EYS: variants seen among roughly 807,000 people sequenced by gnomAD.
The protein encoded by EYS is protein eyes shut homolog.
Under a neutral mutation model 282.1 loss-of-function variants are expected in EYS, and 250 were observed. The ratio of observed to expected loss-of-function variants is 0.89; its 90% CI spans 0.80 to 0.98. EYS has a LOEUF of 0.98. Among genes scored for constraint, EYS ranks in the 50% least tolerant of loss-of-function variants. The pLI, the probability that EYS is intolerant of heterozygous loss-of-function variation, is 0.00. For synonymous variants in EYS, 1,355 were observed against 1,282.9 expected (o/e 1.06, Z -1.20); for missense variants, 4,016 against 3,709.0 (o/e 1.08, Z -2.15).
chr6:64,156,008 ATGTG>A (rs1375449408), intron 31 of EYS, among the ~76,000 whole-genome samples: 2 of 147,344 alleles, frequency 1.4e-5, no homozygotes, highest in Admixed American at 6.8e-5. Flanking sequence ...GTGTGTGTGT[ATGTG>A]TGTATGTTTA....
At chr6:64,056,418 GACTTT>G (rs1488468792) in intron 33 of EYS, among the ~76,000 whole-genome samples, 1 of 152,100 alleles carries the variant, frequency 6.6e-6, no homozygotes, top group African/African-American at 2.4e-5. Context: ...ATCAATCCAA[GACTTT>G]ACTTTTTCCT....
chr6:64,200,015 C>T (rs1317835064), intron 31 of EYS, among the ~76,000 whole-genome samples: 1 of 152,012 alleles, frequency 6.6e-6, no homozygotes, highest in Non-Finnish European at 1.5e-5. Flanking sequence ...ATGATCTACC[C>T]AGCCACAAAA....
chr6:64,740,243 C>T (rs1360735634), intron 22 of EYS, among the ~76,000 whole-genome samples: 1 of 152,034 alleles, frequency 6.6e-6, no homozygotes, highest in African/African-American at 2.4e-5. Flanking sequence ...TTTCCTAAAT[C>T]TTGAAATACT....
chr6:64,093,327 C>G (rs1772443909), intron 31 of EYS, among the ~76,000 whole-genome samples: 1 of 152,132 alleles, frequency 6.6e-6, no homozygotes, highest in African/African-American at 2.4e-5. Context: ...GGCATTGAAT[C>G]TATAAATTAC....
chr6:64,191,024 T>C (rs897516479), intron 31 of EYS, among the ~76,000 whole-genome samples: 2 of 152,166 alleles, frequency 1.3e-5, no homozygotes, highest in African/African-American at 4.8e-5. Flanking sequence ...CTGAGAAATA[T>C]CTGTGTTTTG....
At chr6:64,546,038 A>G (rs2149802056) in intron 26 of EYS, among the ~76,000 whole-genome samples, 1 of 152,314 alleles carries the variant, frequency 6.6e-6, no homozygotes, top group Non-Finnish European at 1.5e-5. Flanking sequence ...GTTCATATGG[A>G]AACAAAAATG....
chr6:64,906,639 A>G (rs1489794082), intron 16 of EYS, among the ~76,000 whole-genome samples: 3 of 152,236 alleles, frequency 2.0e-5, no homozygotes, highest in East Asian at 1.9e-4. Flanking sequence ...TTGTAAATCA[A>G]TAGCACATGT....
At chr6:65,475,834 C>T (rs1395924183) in intron 5 of EYS, among the ~76,000 whole-genome samples, 1 of 151,754 alleles carries the variant, frequency 6.6e-6, no homozygotes, top group Admixed American at 6.6e-5. Context: ...CCAGCTTTCT[C>T]TTCATGGAGT....
chr6:64,559,085 A>G lies in EYS; in HGVS notation c.5644+31138T>C, dbSNP rs187091766. Among the ~76,000 whole-genome samples, 714 of 152,300 alleles carry G rather than the reference A, an allele frequency of 4.7e-3. 3 individuals are homozygous for G. Among genetic ancestry groups the G allele is most frequent in the African/African-American group, 0.016 (677 of 41,574 alleles). On this transcript the variant is annotated intron_variant, in intron 26 of 42. Transcript: ENST00000503581. The stretch of plus-strand genomic sequence containing the variant: ...AATTTTCACAAAAATTAGAATTATG[A>G]CATGGTCTAATCTCCCTAATTCTGT...
At chr6:64,191,415 C>A (rs1202644615) in intron 31 of EYS, among the ~76,000 whole-genome samples, 1 of 152,028 alleles carries the variant, frequency 6.6e-6, no homozygotes, top group African/African-American at 2.4e-5. Flanking sequence ...ATGCGACATG[C>A]TGGTGCGCTG....
intron 36 of EYS, among the ~76,000 whole-genome samples, chr6:63,810,352 TA>T (rs1264960428): frequency 7.1e-6 from 1 of 141,490 alleles, no homozygotes; most frequent in East Asian, 2.3e-4. Flanking sequence ...TCTGAATTAT[TA>T]AAGTTTATGC....
chr6:65,433,387 C>T (rs911370544), intron 5 of EYS, among the ~76,000 whole-genome samples: 39 of 152,142 alleles, frequency 2.6e-4, no homozygotes, highest in African/African-American at 9.1e-4. Context: ...CGGGTCTTAA[C>T]ATTTTGTGGG....
chr6:65,642,603 G>A (rs547018994), intron 1 of EYS, among the ~76,000 whole-genome samples: 2 of 152,024 alleles, frequency 1.3e-5, no homozygotes, highest in Non-Finnish European at 1.5e-5. Flanking sequence ...ACACTTACCT[G>A]TTAGACTCTT....
At chr6:64,970,709 T>A (rs529432612) in intron 14 of EYS, among the ~76,000 whole-genome samples, 4 of 152,180 alleles carry the variant, frequency 2.6e-5, no homozygotes, top group Non-Finnish European at 5.9e-5. Context: ...ATAACACCAC[T>A]GAACCCATAT....
At chr6:64,106,741 C>T (rs966405266) in intron 31 of EYS, among the ~76,000 whole-genome samples, 2 of 151,890 alleles carry the variant, frequency 1.3e-5, no homozygotes, top group Non-Finnish European at 2.9e-5. Flanking sequence ...GAAACTCAGC[C>T]ATTATTGCTT....
At chr6:64,424,453 T>A (rs1377297609) in intron 28 of EYS, among the ~76,000 whole-genome samples, 6 of 152,204 alleles carry the variant, frequency 3.9e-5, no homozygotes, top group Non-Finnish European at 8.8e-5. Context: ...AAAAAAATAT[T>A]TGTGACTAAG....
rs189444859 is a variant in EYS, at chr6:63,995,578, A to G, written c.6834+3497T>C. On this transcript the variant is annotated intron_variant, in intron 34 of 42. Coordinates refer to ENST00000503581, the MANE Select transcript of EYS (RefSeq NM_001142800.2). The stretch of plus-strand genomic sequence containing the variant: ...TTTATCCAAAAGAACTGGAAATAGG[A>G]TAAATAGGATATAGAAGAGATTATT... Among the ~76,000 whole-genome samples the G allele has an allele frequency of 1.2e-3, 190 of 152,146 alleles. 1 individual carries two copies. Among genetic ancestry groups the G allele is most frequent in the Non-Finnish European group, 3.4e-4 (23 of 67,918 alleles).
chr6:65,367,471 AC>A (rs1334442155), intron 8 of EYS, among the ~76,000 whole-genome samples: 1 of 151,756 alleles, frequency 6.6e-6, no homozygotes, highest in Non-Finnish European at 1.5e-5. Context: ...AGACATAGTG[AC>A]ATTCTCAATT....
At chr6:64,194,738 T>TA (rs1765229571) in intron 31 of EYS, among the ~76,000 whole-genome samples, 3 of 152,080 alleles carry the variant, frequency 2.0e-5, no homozygotes, top group South Asian at 2.1e-4. Context: ...TATATATATA[T>TA]TCAAAATATA....
Sources: gnomAD v4.1 joint callset for allele counts (sites outside exome capture counted in the v4.1 genomes callset) on GRCh38, gnomAD v4.1.1 for gene constraint, MANE v1.5 for transcripts, NCBI Gene and HGNC (gene_info 2026-07-23, HGNC 2026-07-21) for gene names.